The following CCDC88A variants were observed in gnomAD, a reference collection of about 807,000 sequenced individuals.
The protein encoded by CCDC88A is coiled-coil and HOOK domain protein 88A, also known as girdin.
Under a neutral mutation model 234.3 loss-of-function variants are expected in CCDC88A, and 54 were observed. That is an observed-to-expected ratio of 0.23 (90% CI 0.19 to 0.29). The LOEUF is 0.29. Ranked by LOEUF, CCDC88A falls within the 10% of genes least tolerant of loss-of-function variation. The pLI is 1.00. For missense variants in CCDC88A, 1,832 were observed against 2,123.4 expected (o/e 0.86, Z 2.70); for synonymous variants, 753 against 737.8 (o/e 1.02, Z -0.33).
At chr2:55,402,868 G>C (rs1015898383) in intron 2 of CCDC88A, among the ~76,000 whole-genome samples, 17 of 152,012 alleles carry the variant, frequency 1.1e-4, no homozygotes, top group Admixed American at 1.1e-3. Context: ...AATTAGCCAG[G>C]CGTGGTGGTG....
rs2104595549 is a variant in CCDC88A at position 55,308,854 on chromosome 2, T to A, written c.4342A>T (p.Asn1448Tyr). The A allele has an allele frequency of 1.2e-6, 2 of 1,614,144 alleles. No homozygotes were observed. The highest frequency in any genetic ancestry group is 1.7e-6 in the Non-Finnish European group (2 of 1,180,008). The part of the protein sequence containing the change: ...DSQDSSSVGS[N>Y]SLEDGQTLGT... Reference sequence around the variant, plus strand: ...AAGGTCTGGCCATCTTCTAAAGAGTTTGAACCTACTGAAGAACTATCTTGA... The same window carrying A: ...AAGGTCTGGCCATCTTCTAAAGAGTATGAACCTACTGAAGAACTATCTTGA... Residue 1448 changes from asparagine (N) to tyrosine (Y), a missense_variant, in exon 25 of 33, where the codon AAC (asparagine) becomes TAC (tyrosine). Physicochemically the swap from Asn to Tyr is moderately radical, Grantham distance 143. This residue lies in a region of CCDC88A where 1,282 missense variants were observed against 1,543.6 expected (regional missense o/e 0.83). Transcript: ENST00000436346.
At chr2:55,312,838 C>T (rs1682496255) in intron 22 of CCDC88A, 1 of 257,850 alleles carries the variant, frequency 3.9e-6, no homozygotes, top group Non-Finnish European at 7.4e-6. Flanking sequence ...ACTCCCCAAA[C>T]ACTGCTTTCT....
intron 3 of CCDC88A, among the ~76,000 whole-genome samples, 156 bp from the exon 4 acceptor site, chr2:55,375,039 A>T (rs1254803890): frequency 6.6e-6 from 1 of 152,208 alleles, no homozygotes; most frequent in Non-Finnish European, 1.5e-5. Context: ...AATCTTTTGT[A>T]ACTTCAATGA....
At chr2:55,411,111 TA>T (rs1002712348) in intron 2 of CCDC88A, among the ~76,000 whole-genome samples, 2 of 152,152 alleles carry the variant, frequency 1.3e-5, no homozygotes, top group Non-Finnish European at 2.9e-5. Flanking sequence ...ATTAATAAAT[TA>T]AGTATTATAC....
Position 55,291,508 on chromosome 2 carries a change from C to A in CCDC88A, c.*35+168G>T, listed in dbSNP as rs148959590. 939 of 396,540 alleles carry A rather than the reference C, an allele frequency of 2.4e-3. 12 individuals are homozygous for A. Among genetic ancestry groups the A allele is most frequent in the African/African-American group, 0.018 (871 of 48,378 alleles). The allele number at this position is 396,540 out of a possible 1,614,324, so 24.6% of individuals were successfully genotyped here. ...GTTCCTTGCGCTGACAGGTAAAAAC[C>A]TATGGCAGCCAACTAATCTTGCTTC... is the stretch of plus-strand genomic sequence containing the variant. On this transcript the variant is annotated intron_variant, in intron 32 of 32. Coordinates refer to ENST00000436346, the MANE Select transcript of CCDC88A (RefSeq NM_001365480.1).
chr2:55,305,778 T>A (rs1033947667), intron 25 of CCDC88A, among the ~76,000 whole-genome samples: 3 of 152,142 alleles, frequency 2.0e-5, no homozygotes, highest in Non-Finnish European at 4.4e-5. Flanking sequence ...GGAGGATCCC[T>A]TGAGTCCAGA....
At chr2:55,374,101 T>C (rs1673231794) in intron 4 of CCDC88A, among the ~76,000 whole-genome samples, 1 of 152,160 alleles carries the variant, frequency 6.6e-6, no homozygotes, top group Non-Finnish European at 1.5e-5. Flanking sequence ...AGACTGGGCG[T>C]GGTGGCTCAT....
intron 4 of CCDC88A, among the ~76,000 whole-genome samples, chr2:55,374,054 C>T (rs907736356): frequency 2.6e-5 from 4 of 152,120 alleles, no homozygotes; most frequent in African/African-American, 9.7e-5. Context: ...TCTCATCTTT[C>T]CATTCAGAAG....
chr2:55,331,682 T>C (rs916120752), intron 16 of CCDC88A: 6 of 152,330 alleles, frequency 3.9e-5, no homozygotes, highest in Middle Eastern at 3.4e-3. Context: ...CTCTGTTTGA[T>C]AGATTGTAAT....
intron 3 of CCDC88A, among the ~76,000 whole-genome samples, chr2:55,381,112 A>C (rs1674511938): frequency 6.6e-6 from 1 of 151,264 alleles, no homozygotes; most frequent in South Asian, 2.1e-4. Flanking sequence ...TACAGTATTC[A>C]GTACAGTAAC....
intron 8 of CCDC88A, chr2:55,349,852 C>A: frequency 3.3e-6 from 1 of 305,312 alleles, no homozygotes; most frequent in East Asian, 6.1e-5. Context: ...TTTTCTCTTT[C>A]TCTCTTTTCA....
rs1675145298 is a variant in CCDC88A at position 55,384,523 on chromosome 2, A to ATATACATATATACGTATGTATGTG, written c.273+4254_273+4255insCACATACATACGTATATATGTATA. Among the ~76,000 whole-genome samples the ATATACATATATACGTATGTATGTG allele has an allele frequency of 6.0e-4, 2 of 3,332 alleles. 1 individual carries two copies. Among genetic ancestry groups the ATATACATATATACGTATGTATGTG allele is most frequent in the African/African-American group, 3.0e-3 (2 of 676 alleles). 2.2% of individuals were successfully genotyped at this position (3,332 alleles called of 152,430 possible). The stretch of plus-strand genomic sequence containing the variant: ...ATATTGAATATTATATATAAATTAT[A>ATATACATATATACGTATGTATGTG]TATATATACATATATACGTATATAT... On this transcript the variant is annotated intron_variant, in intron 3 of 32. Transcript: ENST00000436346.
rs569191287 is a variant in CCDC88A at position 55,379,055 on chromosome 2, G to C, written c.274-4172C>G. 3.9e-5 allele frequency among the ~76,000 whole-genome samples: 6 copies of C among 152,038 alleles called. No homozygotes were observed. In the South Asian group the frequency reaches 1.0e-3, roughly 26 times the overall value. ...ACCACTGCGCCCGGCCTGGATTCTA[G>C]CTATATTTTTGTAAAAAGTCTTTTT... On this transcript the variant is annotated intron_variant, in intron 3 of 32. Transcript: ENST00000436346.
intron 2 of CCDC88A, among the ~76,000 whole-genome samples, chr2:55,413,288 A>G (rs1680801263): frequency 6.6e-6 from 1 of 152,204 alleles, no homozygotes; most frequent in Non-Finnish European, 1.5e-5. Flanking sequence ...TAGATATAGC[A>G]TAGCACAGGA....
At chr2:55,391,669 A>T (rs575613944) in intron 2 of CCDC88A, among the ~76,000 whole-genome samples, 21 of 152,346 alleles carry the variant, frequency 1.4e-4, no homozygotes, top group Non-Finnish European at 2.9e-4. Flanking sequence ...TAGAAACTGT[A>T]TAGCAAACGA....
At chr2:55,301,145 A>G in intron 28 of CCDC88A, 61 bp downstream of exon 28, 1 of 968,780 alleles carries the variant, frequency 1.0e-6, no homozygotes, top group Non-Finnish European at 1.6e-6. Context: ...TAAAGGCAAG[A>G]GTCCTAGCAT....
intron 3 of CCDC88A, among the ~76,000 whole-genome samples, chr2:55,383,338 G>T (rs1443021080): frequency 1.3e-5 from 2 of 151,986 alleles, no homozygotes; most frequent in Non-Finnish European, 2.9e-5. Context: ...TACTAAAATG[G>T]CCCGGCACGG....
At chr2:55,379,627 G>A (rs140435165) in intron 3 of CCDC88A, among the ~76,000 whole-genome samples, 143 of 152,242 alleles carry the variant, frequency 9.4e-4, no homozygotes, top group African/African-American at 3.3e-3. Flanking sequence ...AAATGCTAAG[G>A]ATAAAAATAA....
intron 23 of CCDC88A, among the ~76,000 whole-genome samples, chr2:55,310,219 A>G (rs547294215): frequency 1.3e-5 from 2 of 152,330 alleles, no homozygotes; most frequent in East Asian, 3.9e-4. Flanking sequence ...TGAAAGTTTC[A>G]TTACAAAGTG....
Sources: allele counts gnomAD v4.1 joint callset (sites outside exome capture counted in the v4.1 genomes callset), GRCh38; gene constraint gnomAD v4.1.1; regional missense constraint gnomAD v4.1.1; transcripts MANE v1.5; gene names NCBI Gene and HGNC (gene_info 2026-07-23, HGNC 2026-07-21).